Variants in CES5A observed in about 807,000 individuals in gnomAD.
CES5A encodes carboxylesterase 5.
In CES5A, 67 loss-of-function variants were observed where a neutral mutation model predicts 62.9. The ratio of observed to expected loss-of-function variants is 1.07; its 90% CI spans 0.88 to 1.31. The LOEUF (loss-of-function observed/expected upper bound fraction) is 1.31, where lower values mean the gene tolerates loss of function less well. Among genes scored for constraint, CES5A ranks in the 50% most tolerant of loss-of-function variants. CES5A has a pLI of 0.00. For missense variants in CES5A, 748 were observed against 708.5 expected (o/e 1.06, Z -0.63); for synonymous variants, 296 against 280.8 (o/e 1.05, Z -0.54).
intron 1 of CES5A, among the ~76,000 whole-genome samples, chr16:55,887,182 T>C (rs1045508837): frequency 1.3e-5 from 2 of 151,994 alleles, no homozygotes; most frequent in Non-Finnish European, 2.9e-5. Context: ...CCTGTCACCA[T>C]CACTCTGCAT....
chr16:55,951,411 C>G (rs542192863), intron 1 of CES5A, among the ~76,000 whole-genome samples: 219 of 152,138 alleles, frequency 1.4e-3, no homozygotes, highest in Middle Eastern at 0.01. Context: ...TAAAATGCAT[C>G]AATGCATCAA....
intron 2 of CES5A, among the ~76,000 whole-genome samples, chr16:55,948,027 C>T (rs895211484): frequency 6.6e-6 from 1 of 151,772 alleles, no homozygotes; most frequent in African/African-American, 2.4e-5. Flanking sequence ...GAGTTTGGAA[C>T]CTGAGAGCCT....
At chr16:55,889,088 C>T (rs1173544494) in intron 1 of CES5A, among the ~76,000 whole-genome samples, 1 of 151,910 alleles carries the variant, frequency 6.6e-6, no homozygotes, top group African/African-American at 2.4e-5. Flanking sequence ...AACCCTGAAA[C>T]CTGCTAGGAC....
chr16:55,948,259 G>A (rs1373548598), intron 2 of CES5A, among the ~76,000 whole-genome samples: 12 of 151,350 alleles, frequency 7.9e-5, no homozygotes, highest in Admixed American at 7.9e-4. Flanking sequence ...AGAAAGGAGG[G>A]AAAAAAAAGA....
intron 2 of CES5A, among the ~76,000 whole-genome samples, chr16:55,949,399 C>T (rs890361643): frequency 5.3e-5 from 8 of 152,300 alleles, no homozygotes; most frequent in Admixed American, 5.2e-4. Context: ...TGAGGCAATC[C>T]CCAAAGGGGA....
intron 1 of CES5A, among the ~76,000 whole-genome samples, chr16:55,887,382 CAAAAAAAAAA>C (rs202239600): frequency 1.1e-5 from 1 of 91,232 alleles, no homozygotes; most frequent in Non-Finnish European, 2.1e-5. Context: ...GGACCAGAGG[CAAAAAAAAAA>C]AAAAAAAAGT....
intron 2 of CES5A, among the ~76,000 whole-genome samples, chr16:55,934,779 G>A (rs1006588081): frequency 1.5e-4 from 23 of 152,016 alleles, no homozygotes; most frequent in African/African-American, 4.8e-4. Context: ...GAAGTCCCAA[G>A]GTCTGCAGTC....
intron 1 of CES5A, among the ~76,000 whole-genome samples, chr16:55,955,657 T>G (rs2034601256): frequency 6.6e-6 from 1 of 152,332 alleles, no homozygotes; most frequent in South Asian, 2.1e-4. Context: ...TGAGCCTGCC[T>G]CTCAGTTCCT....
chr16:55,890,422 T>C (rs1368900014), intron 1 of CES5A, among the ~76,000 whole-genome samples: 2 of 152,014 alleles, frequency 1.3e-5, no homozygotes, highest in African/African-American at 4.8e-5. Context: ...GAGGTAAATA[T>C]AGAAGAGAAT....
intron 1 of CES5A, among the ~76,000 whole-genome samples, chr16:55,892,721 C>A (rs7404288): frequency 0.024 from 2,044 of 86,850 alleles, 26 homozygotes; most frequent in African/African-American, 0.041. Flanking sequence ...ACAACAACAA[C>A]AACAAAAAAA....
At chr16:55,860,875 C>T (rs2033337992) in intron 7 of CES5A, among the ~76,000 whole-genome samples, 1 of 152,146 alleles carries the variant, frequency 6.6e-6, no homozygotes, top group South Asian at 2.1e-4. Context: ...TCATCAAAGG[C>T]TCTCAAGATT....
intron 1 of CES5A, among the ~76,000 whole-genome samples, chr16:55,906,524 T>C (rs1197421850): frequency 2.6e-5 from 4 of 152,232 alleles, no homozygotes; most frequent in African/African-American, 7.2e-5. Flanking sequence ...AAGCTGACAA[T>C]GTAGTTCCTT....
At chr16:55,901,249 G>A (rs1042870043) in intron 1 of CES5A, among the ~76,000 whole-genome samples, 23 of 152,036 alleles carry the variant, frequency 1.5e-4, no homozygotes, top group South Asian at 6.2e-4. Flanking sequence ...CCATTTATTC[G>A]CCTTCTATCA....
At chr16:55,882,234 C>T (rs892977606) in intron 1 of CES5A, among the ~76,000 whole-genome samples, 1 of 152,166 alleles carries the variant, frequency 6.6e-6, no homozygotes, top group Non-Finnish European at 1.5e-5. Context: ...ACCCCCAGTC[C>T]TTCCTAAAAG....
At chr16:55,942,109 G>T (rs1455542692) in intron 2 of CES5A, among the ~76,000 whole-genome samples, 1 of 152,084 alleles carries the variant, frequency 6.6e-6, no homozygotes, top group Non-Finnish European at 1.5e-5. Flanking sequence ...GCATAAAAGT[G>T]AAAACCATAA....
intron 1 of CES5A, among the ~76,000 whole-genome samples, chr16:55,902,135 C>A (rs1327560805): frequency 1.3e-5 from 2 of 152,194 alleles, no homozygotes; most frequent in Non-Finnish European, 2.9e-5. Flanking sequence ...GTCCTCTCCT[C>A]TGTTTATAGA....
chr16:55,903,425 A>G (rs949197870), intron 1 of CES5A, among the ~76,000 whole-genome samples: 1 of 152,238 alleles, frequency 6.6e-6, no homozygotes, highest in African/African-American at 2.4e-5. Flanking sequence ...CTGTGCAGTG[A>G]TTTGGGGCAA....
At chr16:55,913,393 C>T (rs1410179331) in intron 1 of CES5A, among the ~76,000 whole-genome samples, 1 of 152,096 alleles carries the variant, frequency 6.6e-6, no homozygotes, top group Non-Finnish European at 1.5e-5. Context: ...TCCCCAGGAG[C>T]AATTTGGGGA....
chr16:55,909,959 C>G (rs2034077778), intron 1 of CES5A, among the ~76,000 whole-genome samples: 1 of 152,136 alleles, frequency 6.6e-6, no homozygotes, highest in Admixed American at 6.5e-5. Context: ...TGCATGAGTG[C>G]CCAGCCTGAG....
Sources: gnomAD v4.1 joint callset for allele counts (sites outside exome capture counted in the v4.1 genomes callset) on GRCh38, gnomAD v4.1.1 for gene constraint, MANE v1.5 for transcripts, NCBI Gene and HGNC (gene_info 2026-07-23, HGNC 2026-07-21) for gene names.